Variants in TMEM38B observed in about 807,000 individuals in gnomAD.
TMEM38B encodes transmembrane protein 38B.
Under a neutral mutation model 28.7 loss-of-function variants are expected in TMEM38B, and 24 were observed. That is an observed-to-expected ratio of 0.84 (90% CI 0.61 to 1.18). TMEM38B has a LOEUF of 1.18. TMEM38B is among the 50% of genes most tolerant of loss of function. The probability of loss-of-function intolerance (pLI) is 0.00; values close to 1 mark genes in which losing one functional copy is unlikely to be tolerated. For missense variants in TMEM38B, 380 were observed against 350.9 expected, an observed-to-expected ratio of 1.08 and a Z score of -0.66; for synonymous variants, 131 against 127.7, an observed-to-expected ratio of 1.03 and a Z score of -0.17.
chr9:105,747,700 T>C (rs1215601891), intron 4 of TMEM38B, among the ~76,000 whole-genome samples: 1 of 152,192 alleles, frequency 6.6e-6, no homozygotes, highest in African/African-American at 2.4e-5. Context: ...TCCTGCTTTC[T>C]CTTGTGGGCA....
chr9:105,735,658 A>G (rs2175122), intron 4 of TMEM38B, among the ~76,000 whole-genome samples: 1 of 152,032 alleles, frequency 6.6e-6, no homozygotes, highest in African/African-American at 2.4e-5. Flanking sequence ...AACTAATGAT[A>G]TAATGGAGAT....
chr9:105,699,676 G>C (rs893500987), intron 1 of TMEM38B, among the ~76,000 whole-genome samples: 12 of 152,094 alleles, frequency 7.9e-5, no homozygotes, highest in African/African-American at 2.9e-4. Context: ...TGTAACTTTT[G>C]CTTCATAAGC....
chr9:105,773,796 T>C (rs1418542162), intron 5 of TMEM38B, 69 bp from the exon 6 acceptor site: 2 of 1,488,050 alleles, frequency 1.3e-6, no homozygotes, highest in African/African-American at 2.8e-5. Context: ...TTTTTTTCCT[T>C]TTGTTTCTCT....
At chr9:105,753,278 C>T (rs1564411915) in intron 5 of TMEM38B, among the ~76,000 whole-genome samples, 1 of 152,258 alleles carries the variant, frequency 6.6e-6, no homozygotes, top group South Asian at 2.1e-4. Context: ...CCCCACCTAA[C>T]AAGACAAGCC....
In TMEM38B at chr9:105,775,052, C is replaced by T. The variant is rs893135619; in HGVS notation, c.*972C>T. The T allele has an allele frequency of 4.6e-5, 7 of 152,012 alleles. No individual in the cohort carries two copies. The highest frequency in any genetic ancestry group is 3.3e-4 in the Admixed American group (5 of 15,244). 9.4% of individuals were successfully genotyped at this position (152,012 alleles called of 1,614,324 possible). On this transcript the variant is annotated 3_prime_UTR_variant, in exon 6 of 6. Coordinates refer to ENST00000374692, the MANE Select transcript of TMEM38B (RefSeq NM_018112.3). ...CACTATGTCTTTTTTCTAGTGGCTACTGTTTTAGTTTTCTAGTTGAATATC... is the reference window on the plus strand; with the variant it reads ...CACTATGTCTTTTTTCTAGTGGCTATTGTTTTAGTTTTCTAGTTGAATATC...
At chr9:105,703,862 G>C (rs1305713690) in intron 1 of TMEM38B, among the ~76,000 whole-genome samples, 3 of 152,034 alleles carry the variant, frequency 2.0e-5, no homozygotes, top group Non-Finnish European at 4.4e-5. Flanking sequence ...AGAAGTGTCT[G>C]TTCATGTCCT....
At chr9:105,763,685 T>C (rs1240397844) in intron 5 of TMEM38B, among the ~76,000 whole-genome samples, 7 of 152,178 alleles carry the variant, frequency 4.6e-5, no homozygotes, top group Admixed American at 1.3e-4. Context: ...CTTCTGAAAC[T>C]ATTCCAATCA....
At chr9:105,725,103 G>T (rs1005931614) in intron 4 of TMEM38B, among the ~76,000 whole-genome samples, 3 of 151,918 alleles carry the variant, frequency 2.0e-5, no homozygotes, top group Non-Finnish European at 4.4e-5. Flanking sequence ...TTCTTAGATG[G>T]CTAACTCCCT....
chr9:105,733,170 A>G (rs1184147454), intron 4 of TMEM38B, among the ~76,000 whole-genome samples: 1 of 152,054 alleles, frequency 6.6e-6, no homozygotes, highest in East Asian at 1.9e-4. Flanking sequence ...GGTCAATTTT[A>G]GAATAAGTGC....
chr9:105,759,771 A>G (rs1312130697), intron 5 of TMEM38B: 1 of 1,608,556 alleles, frequency 6.2e-7, no homozygotes, highest in Non-Finnish European at 8.5e-7. Context: ...GTTTTAAGAG[A>G]ACCACTACTT....
chr9:105,747,295 T>G (rs915189867), intron 4 of TMEM38B, among the ~76,000 whole-genome samples: 1 of 152,258 alleles, frequency 6.6e-6, no homozygotes, highest in African/African-American at 2.4e-5. Flanking sequence ...TCTTCCTGGT[T>G]TAGTCTTGGG....
intron 4 of TMEM38B, among the ~76,000 whole-genome samples, chr9:105,745,394 A>C (rs899156365): frequency 1.3e-5 from 2 of 152,208 alleles, no homozygotes; most frequent in African/African-American, 4.8e-5. Context: ...TCTTTTGAGA[A>C]GTGTCAGTTC....
chr9:105,705,521 T>C, intron 1 of TMEM38B, 76 bp from the exon 2 acceptor site: 5 of 1,350,778 alleles, frequency 3.7e-6, no homozygotes, highest in Non-Finnish European at 5.0e-6. Context: ...TTTATTTGTT[T>C]AGTGCAACTT....
rs897021929 is a variant in TMEM38B at position 105,775,668 on chromosome 9, C to T, written c.*1588C>T. On this transcript the variant is annotated 3_prime_UTR_variant, in exon 6 of 6. Coordinates refer to ENST00000374692, the MANE Select transcript of TMEM38B (RefSeq NM_018112.3). The stretch of plus-strand genomic sequence containing the variant: ...TAAGAGCTCTGTATTATATTTGATA[C>T]TCTTACAGTTAAAAACTTTTCAAAA... The T allele has an allele frequency of 3.3e-5, 5 of 152,066 alleles. No homozygotes were observed. The highest frequency in any genetic ancestry group is 7.4e-5 in the Non-Finnish European group (5 of 68,008). 9.4% of individuals were successfully genotyped at this position (152,066 alleles called of 1,614,324 possible).
At chr9:105,758,571 C>T (rs1190458253) in intron 5 of TMEM38B, 1 of 1,143,746 alleles carries the variant, frequency 8.7e-7, no homozygotes, top group South Asian at 1.2e-5. Context: ...TCTTAAGAAT[C>T]ATGTAATTGA....
intron 4 of TMEM38B, among the ~76,000 whole-genome samples, chr9:105,731,697 A>T (rs1836755846): frequency 6.6e-6 from 1 of 152,090 alleles, no homozygotes; most frequent in Non-Finnish European, 1.5e-5. Context: ...TTCTTAATCC[A>T]GTCTATCATT....
chr9:105,695,612 T>C (rs936462705), intron 1 of TMEM38B, among the ~76,000 whole-genome samples: 1 of 152,240 alleles, frequency 6.6e-6, no homozygotes, highest in African/African-American at 2.4e-5. Flanking sequence ...TGCTTTTAGT[T>C]GTATGGACCT....
chr9:105,749,116 C>T, intron 5 of TMEM38B: 1 of 1,302,808 alleles, frequency 7.7e-7, no homozygotes, highest in Non-Finnish European at 1.0e-6. Flanking sequence ...ATTCAGGTAA[C>T]AAATATTGGA....
chr9:105,707,981 A>G (rs959295997), intron 2 of TMEM38B, among the ~76,000 whole-genome samples: 2 of 152,198 alleles, frequency 1.3e-5, no homozygotes, highest in South Asian at 4.1e-4. Context: ...AAACTATACA[A>G]AAAGGAAGAT....
Sources: gnomAD v4.1 joint callset for allele counts (sites outside exome capture counted in the v4.1 genomes callset) on GRCh38, gnomAD v4.1.1 for gene constraint, MANE v1.5 for transcripts, NCBI Gene and HGNC (gene_info 2026-07-23, HGNC 2026-07-21) for gene names.